MGAT4A: variants seen among roughly 807,000 people sequenced by gnomAD.
MGAT4A encodes the protein N-acetylglucosaminyltransferase IVa.
Under a neutral mutation model 74.1 loss-of-function variants are expected in MGAT4A, and 33 were observed. The observed-to-expected ratio is 0.45, with a 90% CI of 0.34 to 0.60. The LOEUF is 0.60. Ranked by LOEUF, MGAT4A falls within the 20% of genes least tolerant of loss-of-function variation. The pLI, the probability that MGAT4A is intolerant of heterozygous loss-of-function variation, is 0.02. For missense variants in MGAT4A, 479 were observed against 628.3 expected (o/e 0.76, Z 2.54); for synonymous variants, 198 against 210.4 (o/e 0.94, Z 0.51).
chr2:98,728,642 G>C (rs574185359), intron 1 of MGAT4A, among the ~76,000 whole-genome samples: 1 of 151,936 alleles, frequency 6.6e-6, no homozygotes, highest in Non-Finnish European at 1.5e-5. Context: ...CAGCTTACTC[G>C]GGAGGCTGAG....
chr2:98,648,040 C>T (rs1244814301), intron 8 of MGAT4A, among the ~76,000 whole-genome samples: 2 of 152,182 alleles, frequency 1.3e-5, no homozygotes. Flanking sequence ...TTTAAAACTA[C>T]CATTAACTGA....
chr2:98,680,476 A>G (rs756117205), intron 2 of MGAT4A, among the ~76,000 whole-genome samples: 2 of 152,216 alleles, frequency 1.3e-5, no homozygotes, highest in African/African-American at 2.4e-5. Context: ...CCCTTACATA[A>G]AGATCCTTAC....
At chr2:98,719,867 G>A (rs551030450) in intron 2 of MGAT4A, among the ~76,000 whole-genome samples, 27 of 152,188 alleles carry the variant, frequency 1.8e-4, no homozygotes, top group Admixed American at 1.6e-3. Context: ...GGCTGGTCTC[G>A]AACTCCTGAC....
chr2:98,653,538 C>A (rs1701613633), intron 8 of MGAT4A, among the ~76,000 whole-genome samples: 1 of 151,986 alleles, frequency 6.6e-6, no homozygotes. Context: ...CAAGAGACTA[C>A]TAGGAACAAT....
rs1575237375 is a variant in MGAT4A, at chr2:98,625,316, T to C, written c.*250A>G. The C allele has an allele frequency of 3.2e-6, 4 of 1,247,494 alleles. No individual in the cohort carries two copies. Among genetic ancestry groups the C allele is most frequent in the South Asian group, 2.0e-5 (1 of 50,466 alleles). 77.3% of individuals were successfully genotyped at this position (1,247,494 alleles called of 1,614,324 possible). ...CTTATGTATTAGTATAATACCAAAA[T>C]AGTACAAGTCATATTAACAGGCTGT... On this transcript the variant is annotated 3_prime_UTR_variant, in exon 16 of 16. Transcript: ENST00000393487.
intron 1 of MGAT4A, among the ~76,000 whole-genome samples, chr2:98,730,767 G>A (rs2104344589): frequency 6.7e-6 from 1 of 149,356 alleles, no homozygotes; most frequent in Non-Finnish European, 1.5e-5. Context: ...GTGCGGGGCA[G>A]GGACGCTGGG....
At chr2:98,689,556 GC>G (rs1702168254) in intron 2 of MGAT4A, among the ~76,000 whole-genome samples, 1 of 152,156 alleles carries the variant, frequency 6.6e-6, no homozygotes, top group African/African-American at 2.4e-5. Flanking sequence ...GGGCACCATG[GC>G]TCACATCCAT....
chr2:98,678,269 A>AT, intron 3 of MGAT4A, 35 bp downstream of exon 3: 1 of 640,022 alleles, frequency 1.6e-6, no homozygotes. Context: ...TATATATATA[A>AT]AATCTTTTTA....
intron 2 of MGAT4A, among the ~76,000 whole-genome samples, chr2:98,706,324 G>A (rs568568449): frequency 6.6e-6 from 1 of 152,096 alleles, no homozygotes; most frequent in South Asian, 2.1e-4. Flanking sequence ...GTAGAGGAGG[G>A]GCCACCGAGG....
rs1701065378 is a variant in MGAT4A, at chr2:98,621,839, AAAT to A, written c.*3724_*3726del. The A allele has an allele frequency of 1.9e-6, 2 of 1,033,834 alleles. No homozygotes were observed. The highest frequency in any genetic ancestry group is 2.3e-6 in the Non-Finnish European group (2 of 861,204). The allele number at this position is 1,033,834 out of a possible 1,614,324, so 64.0% of individuals were successfully genotyped here. ...TTCATAATTTTGCTTATAGTTTTAA[AAAT>A]AACAACACCTTCTAATTATTGACTA... On this transcript the variant is annotated 3_prime_UTR_variant, in exon 16 of 16. Coordinates refer to ENST00000393487, the MANE Select transcript of MGAT4A (RefSeq NM_012214.3).
At chr2:98,640,859 G>C (rs1701396936) in intron 10 of MGAT4A, among the ~76,000 whole-genome samples, 1 of 151,992 alleles carries the variant, frequency 6.6e-6, no homozygotes, top group Admixed American at 6.6e-5. Flanking sequence ...TATAGACTAG[G>C]GGGTTAGTTC....
At chr2:98,705,245 T>A (rs574726928) in intron 2 of MGAT4A, among the ~76,000 whole-genome samples, 1 of 152,296 alleles carries the variant, frequency 6.6e-6, no homozygotes, top group South Asian at 2.1e-4. Context: ...TTCACAGGTG[T>A]GATTAATTCA....
intron 10 of MGAT4A, among the ~76,000 whole-genome samples, chr2:98,642,883 T>A (rs3769693): frequency 6.6e-6 from 1 of 152,184 alleles, no homozygotes; most frequent in Admixed American, 6.5e-5. Context: ...AATGCAATGA[T>A]AGCCTACAGA....
intron 8 of MGAT4A, among the ~76,000 whole-genome samples, chr2:98,652,943 A>G (rs1338668435): frequency 6.6e-6 from 1 of 152,176 alleles, no homozygotes; most frequent in Non-Finnish European, 1.5e-5. Context: ...TAAGAAGACT[A>G]AAACTATGCA....
chr2:98,683,431 G>T (rs1412356552), intron 2 of MGAT4A, among the ~76,000 whole-genome samples: 1 of 152,168 alleles, frequency 6.6e-6, no homozygotes, highest in Non-Finnish European at 1.5e-5. Context: ...ACTCTGAAAT[G>T]GTTCTGAAAA....
chr2:98,711,383 C>A (rs1452653450), intron 2 of MGAT4A, among the ~76,000 whole-genome samples: 1 of 151,714 alleles, frequency 6.6e-6, no homozygotes, highest in Non-Finnish European at 1.5e-5. Flanking sequence ...TCACATTTGA[C>A]ACGAATGGTC....
chr2:98,631,883 GC>G (rs954618800), intron 14 of MGAT4A, among the ~76,000 whole-genome samples: 22 of 151,584 alleles, frequency 1.5e-4, no homozygotes, highest in African/African-American at 5.1e-4. Context: ...ACTTTGGGAG[GC>G]CGAGGCCAGT....
At chr2:98,681,022 A>C (rs571746206) in intron 2 of MGAT4A, among the ~76,000 whole-genome samples, 5 of 152,078 alleles carry the variant, frequency 3.3e-5, no homozygotes, top group African/African-American at 1.2e-4. Context: ...TCGCTCTGTC[A>C]CCCAGGCTGG....
chr2:98,720,944 G>A (rs1286316410), intron 2 of MGAT4A, among the ~76,000 whole-genome samples: 2 of 152,128 alleles, frequency 1.3e-5, no homozygotes, highest in Non-Finnish European at 2.9e-5. Flanking sequence ...ATTCATCCAG[G>A]AAGCTCAACA....
Sources: gnomAD v4.1 joint callset for allele counts (sites outside exome capture counted in the v4.1 genomes callset) on GRCh38, gnomAD v4.1.1 for gene constraint, MANE v1.5 for transcripts, NCBI Gene and HGNC (gene_info 2026-07-23, HGNC 2026-07-21) for gene names.